The following NUDT7 variants were observed in gnomAD, a reference collection of about 807,000 sequenced individuals.
The protein encoded by NUDT7 is nudix hydrolase 7.
NUDT7 carries 19 observed loss-of-function variants against 13.1 expected under a neutral mutation model. That is an observed-to-expected ratio of 1.45 (90% confidence interval 1.01 to 2.13). The LOEUF (loss-of-function observed/expected upper bound fraction) is 2.13. Among genes scored for constraint, NUDT7 ranks in the 30% most tolerant of loss-of-function variants. NUDT7 has a pLI of 0.00. For missense variants in NUDT7, 360 were observed against 291.7 expected (o/e 1.23, Z -1.71); for synonymous variants, 132 against 109.7 (o/e 1.20, Z -1.27).
At position 77,727,876 on chromosome 16, in the gene NUDT7, AAAAT is replaced by A. The variant is rs1183658273; in HGVS notation, c.189+2308_189+2311del. Among the ~76,000 whole-genome samples, 7 of 129,028 alleles carry A rather than the reference AAAAT, an allele frequency of 5.4e-5. No individual in the cohort carries two copies. The East Asian group carries it at 1.0e-3, about 19-fold the overall frequency. The allele number at this position is 129,028 out of a possible 152,430, so 84.6% of individuals were successfully genotyped here. ...CATCTCAATAATGAATAAATAAATA[AAAAT>A]AAATAAATAAATAAAAGAGAATTGT... On this transcript the variant is annotated intron_variant, in intron 2 of 3. Transcript: ENST00000268533.
At chr16:77,731,821 C>A (rs1597114772) in intron 2 of NUDT7, among the ~76,000 whole-genome samples, 1 of 151,244 alleles carries the variant, frequency 6.6e-6, no homozygotes, top group Admixed American at 6.6e-5. Flanking sequence ...TGTGTTGTAT[C>A]TTAGTTTTTA....
At chr16:77,728,251 C>G (rs35440044) in intron 2 of NUDT7, among the ~76,000 whole-genome samples, 51,087 of 151,812 alleles carry the variant, frequency 0.34, 9,613 homozygotes, top group African/African-American at 0.52. Flanking sequence ...TCTTTTTTTT[C>G]AGAAGGATTC....
intron 3 of NUDT7, among the ~76,000 whole-genome samples, chr16:77,740,507 T>G (rs1317536041): frequency 6.6e-6 from 1 of 152,204 alleles, no homozygotes; most frequent in Non-Finnish European, 1.5e-5. Context: ...GTCTTTCATT[T>G]GACAACACTC....
intron 1 of NUDT7, among the ~76,000 whole-genome samples, chr16:77,723,067 A>G (rs2014011293): frequency 1.3e-5 from 2 of 152,196 alleles, no homozygotes; most frequent in Non-Finnish European, 2.9e-5. Context: ...GGATAAAATG[A>G]GAAACGTCAA....
In NUDT7 at chr16:77,738,303, A is replaced by G. The variant is rs181577374; in HGVS notation, c.348+2317A>G. Among the ~76,000 whole-genome samples the G allele has an allele frequency of 3.9e-5, 6 of 152,324 alleles. No homozygotes were observed. The East Asian group carries it at 5.8e-4, about 15-fold the overall frequency. ...ATGTGGGTGGATAGAATTCAGGAGC[A>G]TTAACAGGAAAGTGTCTCTGGGAGA... On this transcript the variant is annotated intron_variant, in intron 3 of 3. Coordinates refer to ENST00000268533, the MANE Select transcript of NUDT7 (RefSeq NM_001105663.3).
rs2014661847 is a variant in NUDT7 at position 77,741,587 on chromosome 16, T to C, written c.354T>C (p.Asp118=). Residue 118 remains aspartate, a synonymous_variant, in exon 4 of 4, where the codon GAT becomes GAC. Coordinates refer to ENST00000268533, the MANE Select transcript of NUDT7 (RefSeq NM_001105663.3). ...CCLVPCLIDT[D]TLITPFVGLI... ...GTTTTGTTTTCTGCTTTTAGACAGATACATTGATAACTCCATTTGTGGGTT... is the reference window on the plus strand; with the variant it reads ...GTTTTGTTTTCTGCTTTTAGACAGACACATTGATAACTCCATTTGTGGGTT... 1.9e-6 allele frequency: 3 copies of C among 1,602,792 alleles called. No individual in the cohort carries two copies. In the East Asian group the frequency reaches 6.7e-5, roughly 36 times the overall value.
chr16:77,732,341 A>G (rs1347663328), intron 2 of NUDT7, among the ~76,000 whole-genome samples: 1 of 150,872 alleles, frequency 6.6e-6, no homozygotes, highest in Admixed American at 6.6e-5. Flanking sequence ...AAAAAAAAGA[A>G]AAAGAAAAAT....
At position 77,741,793 on chromosome 16, in the gene NUDT7, A is replaced by G. The variant is rs890708844; in HGVS notation, c.560A>G (p.Gln187Arg). Residue 187 changes from glutamine (Q) to arginine (R), a missense_variant, in exon 4 of 4, where the codon CAG (glutamine) becomes CGG (arginine). Transcript: ENST00000268533. Reference protein sequence around the residue: ...YTNPEDGVTYQIKGMTANLAV... With the variant: ...YTNPEDGVTYRIKGMTANLAV... Reference sequence around the variant, plus strand: ...AACCCTGAAGACGGTGTCACTTACCAGATCAAGGGAATGACGGCAAACCTT... The same window carrying G: ...AACCCTGAAGACGGTGTCACTTACCGGATCAAGGGAATGACGGCAAACCTT... 2.1e-5 allele frequency: 34 copies of G among 1,614,076 alleles called. No homozygotes were observed. The highest frequency in any genetic ancestry group is 2.9e-5 in the Non-Finnish European group (34 of 1,180,044).
chr16:77,727,762 AG>A (rs2014183901), intron 2 of NUDT7, among the ~76,000 whole-genome samples: 1 of 152,118 alleles, frequency 6.6e-6, no homozygotes, highest in African/African-American at 2.4e-5. Flanking sequence ...AGGCTGAGGC[AG>A]GGAGAATCAC....
At position 77,722,596 on chromosome 16, in the gene NUDT7, G is replaced by T. The variant is rs781327817; in HGVS notation, c.14G>T (p.Gly5Val). 6.3e-7 allele frequency: 1 copy of T among 1,593,802 alleles called. No homozygotes were observed. Among genetic ancestry groups the T allele is most frequent in the Non-Finnish European group, 8.5e-7 (1 of 1,169,704 alleles). Reference protein sequence around the residue: MSRLGLPEEPVRNSL... With the variant: MSRLVLPEEPVRNSL... ...TTCCCCAGGGCAATGTCACGACTTG[G>T]TCTTCCCGAGGAGCCAGTCAGGTAA... The change falls in exon 1 of 4, where the codon GGT becomes GTT. Residue 5 changes from glycine (G) to valine (V), a missense_variant. Transcript: ENST00000268533.
chr16:77,738,579 A>G (rs981577921), intron 3 of NUDT7, among the ~76,000 whole-genome samples: 45 of 152,034 alleles, frequency 3.0e-4, no homozygotes, highest in African/African-American at 1.1e-3. Context: ...ATGTCTGGAG[A>G]TCATAGCTGG....
At chr16:77,736,145 G>A in intron 3 of NUDT7, 159 bp downstream of exon 3, 1 of 646,028 alleles carries the variant, frequency 1.5e-6, no homozygotes, top group Non-Finnish European at 2.6e-6. Flanking sequence ...TGAGTCAAGT[G>A]GCTATGGGCA....
intron 1 of NUDT7, among the ~76,000 whole-genome samples, chr16:77,724,141 G>T (rs1212339588): frequency 6.6e-6 from 1 of 152,120 alleles, no homozygotes; most frequent in Non-Finnish European, 1.5e-5. Flanking sequence ...ACCTTTCCTT[G>T]CCTCTTCCAG....
At chr16:77,730,214 T>G (rs560775936) in intron 2 of NUDT7, among the ~76,000 whole-genome samples, 1 of 152,272 alleles carries the variant, frequency 6.6e-6, no homozygotes, top group South Asian at 2.1e-4. Context: ...ATACAATACA[T>G]CTCTCGAATT....
At chr16:77,734,063 G>A (rs1288168969) in intron 2 of NUDT7, among the ~76,000 whole-genome samples, 1 of 152,074 alleles carries the variant, frequency 6.6e-6, no homozygotes, top group Non-Finnish European at 1.5e-5. Context: ...CAAGGAAGGG[G>A]GCAATGCGGG....
chr16:77,728,166 A>G (rs2014199271), intron 2 of NUDT7, among the ~76,000 whole-genome samples: 1 of 152,126 alleles, frequency 6.6e-6, no homozygotes, highest in African/African-American at 2.4e-5. Context: ...TGGATGGGGA[A>G]AGCAAGGCAA....
intron 2 of NUDT7, among the ~76,000 whole-genome samples, chr16:77,731,664 C>T (rs1003731472): frequency 6.6e-6 from 1 of 151,984 alleles, no homozygotes; most frequent in Non-Finnish European, 1.5e-5. Flanking sequence ...ATAAAGCAGC[C>T]TTAGTAAGGT....
At chr16:77,725,124 C>G (rs964090468) in intron 1 of NUDT7, among the ~76,000 whole-genome samples, 1 of 152,206 alleles carries the variant, frequency 6.6e-6, no homozygotes, top group African/African-American at 2.4e-5. Context: ...CCTGTCTTCT[C>G]TGAATATAAT....
At chr16:77,726,578 C>T (rs778441695) in intron 2 of NUDT7, among the ~76,000 whole-genome samples, 13 of 152,054 alleles carry the variant, frequency 8.5e-5, no homozygotes, top group Non-Finnish European at 1.3e-4. Context: ...GGGAGGATCA[C>T]GAGGTCAGCA....
Sources: allele counts gnomAD v4.1 joint callset (sites outside exome capture counted in the v4.1 genomes callset), GRCh38; gene constraint gnomAD v4.1.1; transcripts MANE v1.5; gene names NCBI Gene and HGNC (gene_info 2026-07-23, HGNC 2026-07-21).